The following RGPD1 variants were observed in gnomAD, a reference collection of about 807,000 sequenced individuals.
RGPD1 encodes the protein RANBP2 like and GRIP domain containing 1, also known as RANBP2-like and GRIP domain-containing protein 1.
Under a neutral mutation model 40.6 loss-of-function variants are expected in RGPD1, and 7 were observed. The observed-to-expected ratio is 0.17, with a 90% CI of 0.10 to 0.32. The LOEUF is 0.32. RGPD1 is among the 10% of genes least tolerant of loss of function. The pLI is 1.00. For missense variants in RGPD1, 50 were observed against 472.5 expected (o/e 0.11, Z 8.29); for synonymous variants, 24 against 167.0 (o/e 0.14, Z 6.60).
At chr2:86,926,462 TTTAA>T (rs1308380251) in intron 1 of RGPD1, among the ~76,000 whole-genome samples, 5 of 151,622 alleles carry the variant, frequency 3.3e-5, no homozygotes, top group East Asian at 1.9e-4. Context: ...TCAAAGAGTC[TTTAA>T]TTGATAGGTG....
intron 1 of RGPD1, among the ~76,000 whole-genome samples, chr2:86,925,920 ATAAT>A (rs1434421289): frequency 6.6e-6 from 1 of 152,192 alleles, no homozygotes; most frequent in Non-Finnish European, 1.5e-5. Context: ...TGCCAAATGA[ATAAT>A]TAAAAAAATC....
At chr2:86,924,381 C>G (rs1267250269) in intron 1 of RGPD1, among the ~76,000 whole-genome samples, 1 of 150,502 alleles carries the variant, frequency 6.6e-6, no homozygotes, top group Non-Finnish European at 1.5e-5. Flanking sequence ...GTCTCAAACT[C>G]CTGGCCTCAA....
intron 1 of RGPD1, among the ~76,000 whole-genome samples, chr2:86,932,979 TC>T: frequency 6.9e-6 from 1 of 145,934 alleles, no homozygotes; most frequent in African/African-American, 2.5e-5. Context: ...GCTAGATTGT[TC>T]CTATGATTGC....
At chr2:86,988,287 T>TA (rs1323280750) in intron 20 of RGPD1, among the ~76,000 whole-genome samples, 1 of 131,156 alleles carries the variant, frequency 7.6e-6, no homozygotes, top group African/African-American at 2.9e-5. Context: ...CTACTGAAAA[T>TA]ACAAAAATGA....
At chr2:86,930,787 C>G (rs552500152) in intron 1 of RGPD1, 3 of 1,139,646 alleles carry the variant, frequency 2.6e-6, no homozygotes, top group Non-Finnish European at 3.7e-6. Context: ...GGACCACAGC[C>G]TCCTCTACCG....
chr2:86,931,168 T>TA lies in RGPD1; in HGVS notation c.72+17248dup, dbSNP rs1303039632. 6.2e-5 allele frequency among the ~76,000 whole-genome samples: 9 copies of TA among 145,252 alleles called. 2 individuals carry two copies. The highest frequency in any genetic ancestry group is 1.8e-4 in the African/African-American group (7 of 38,622). ...CTCCATGATATACTCGTCAAGCAGTTACTTACATCAATCTGCCTTATAGGA... is the reference window on the plus strand; with the variant it reads ...CTCCATGATATACTCGTCAAGCAGTTAACTTACATCAATCTGCCTTATAGGA... On this transcript the variant is annotated intron_variant, in intron 1 of 22. Transcript: ENST00000398193.
intron 1 of RGPD1, among the ~76,000 whole-genome samples, chr2:86,942,917 G>A (rs547028142): frequency 2.6e-4 from 40 of 152,114 alleles, no homozygotes; most frequent in African/African-American, 8.4e-4. Flanking sequence ...GACGGTGCTC[G>A]CTCGTGGGCC....
chr2:86,951,873 GTTTTTTTTT>G (rs71269535), intron 2 of RGPD1, among the ~76,000 whole-genome samples: 3 of 50,980 alleles, frequency 5.9e-5, no homozygotes, highest in African/African-American at 1.3e-4. Flanking sequence ...GGGAGGCAGG[GTTTTTTTTT>G]TTTTTTTTTT....
At chr2:86,926,943 G>C (rs1678552310) in intron 1 of RGPD1, among the ~76,000 whole-genome samples, 2 of 152,044 alleles carry the variant, frequency 1.3e-5, no homozygotes, top group Admixed American at 1.3e-4. Flanking sequence ...GTTTGGAACT[G>C]TAATGTGTTA....
intron 1 of RGPD1, chr2:86,914,001 T>TCGACCTGGCGGGGCGG (rs1677579945): frequency 1.6e-6 from 1 of 607,930 alleles, no homozygotes; most frequent in African/African-American, 7.8e-5. Flanking sequence ...GGCGGCGGCC[T>TCGACCTGGCGGGGCGG]CGGCCTCGGC....
At chr2:86,926,992 G>A (rs1042488222) in intron 1 of RGPD1, among the ~76,000 whole-genome samples, 4 of 152,042 alleles carry the variant, frequency 2.6e-5, no homozygotes, top group African/African-American at 9.7e-5. Context: ...TAAAACCTTG[G>A]TACTGTTCCT....
At chr2:86,937,123 T>G (rs915670850), upstream of RGPD1, among the ~76,000 whole-genome samples, 1 of 120,912 alleles carries the variant, frequency 8.3e-6, no homozygotes, top group Non-Finnish European at 1.7e-5. Context: ...CCTGACTGAA[T>G]ATCAGAATCC....
rs1175704937 is a variant in RGPD1, at chr2:86,914,418, GGGCGGCGGCGGCGGCGGC to G, written c.72+537_72+554del. ...CGGCGGCGGCGGCCTCGACCTGGCC[GGGCGGCGGCGGCGGCGGC>G]GGCGGCGGCGGCGGCGGCGGCGGCG... On this transcript the variant is annotated intron_variant, in intron 1 of 22. Transcript: ENST00000398193. 2.6e-3 allele frequency among the ~76,000 whole-genome samples: 26 copies of G among 9,836 alleles called. 4 individuals are homozygous for G. The highest frequency in any genetic ancestry group is 3.8e-3 in the Non-Finnish European group (20 of 5,264). The allele number at this position is 9,836 out of a possible 152,430, so 6.5% of individuals were successfully genotyped here. A position where few individuals can be genotyped will look rare whatever the true frequency, so the allele number is the denominator to read the frequency against.
At chr2:86,922,832 T>G (rs1678125771) in intron 1 of RGPD1, 2 of 203,254 alleles carry the variant, frequency 9.8e-6, no homozygotes, top group African/African-American at 5.5e-5. Context: ...ATAGCAATTA[T>G]TTTGAAGAGT....
chr2:86,954,938 T>C (rs1445894785), intron 4 of RGPD1, among the ~76,000 whole-genome samples: 1 of 61,598 alleles, frequency 1.6e-5, no homozygotes, highest in Non-Finnish European at 3.3e-5. Context: ...TTCTCCATCT[T>C]TATACTTTGG....
intron 1 of RGPD1, among the ~76,000 whole-genome samples, chr2:86,929,367 C>T (rs1470315988): frequency 2.0e-5 from 3 of 151,762 alleles, no homozygotes; most frequent in East Asian, 1.9e-4. Context: ...TTGATGCCCC[C>T]GGAGTTGTGA....
rs1309248475 is a variant in RGPD1 at position 86,923,068 on chromosome 2, C to T, written c.72+9147C>T. Among the ~76,000 whole-genome samples, 16 of 105,664 alleles carry T rather than the reference C, an allele frequency of 1.5e-4. 1 individual carries two copies. Among genetic ancestry groups the T allele is most frequent in the Admixed American group, 5.4e-4 (4 of 7,458 alleles). The allele number at this position is 105,664 out of a possible 152,430, so 69.3% of individuals were successfully genotyped here. A position where few individuals can be genotyped will look rare whatever the true frequency, so the allele number is the denominator to read the frequency against. On this transcript the variant is annotated intron_variant, in intron 1 of 22. Transcript: ENST00000398193. ...TTTTTTTTTTTTTGAGACGGAGTAT[C>T]GTTCTTGTTGCCCGGGATGGAGTGC...
intron 1 of RGPD1, chr2:86,930,602 G>T (rs1678870052): frequency 2.5e-6 from 4 of 1,611,606 alleles, no homozygotes; most frequent in Non-Finnish European, 1.7e-6. Context: ...CATAGTAGTA[G>T]GTGCAGCAGC....
At chr2:86,924,174 G>GGGA (rs1485900160) in intron 1 of RGPD1, among the ~76,000 whole-genome samples, 5 of 144,200 alleles carry the variant, frequency 3.5e-5, no homozygotes, top group East Asian at 2.1e-4. Context: ...TTGGGGGAGG[G>GGGA]GGACAGAGTC....
Sources: gnomAD v4.1 joint callset for allele counts (sites outside exome capture counted in the v4.1 genomes callset) on GRCh38, gnomAD v4.1.1 for gene constraint, MANE v1.5 for transcripts, NCBI Gene and HGNC (gene_info 2026-07-23, HGNC 2026-07-21) for gene names.